Variants in DUSP19 observed in about 807,000 individuals in gnomAD.
DUSP19 encodes dual specificity protein phosphatase 19.
A neutral mutation model predicts 16.6 loss-of-function variants in DUSP19; 14 were observed. That is an observed-to-expected ratio of 0.84 (90% CI 0.56 to 1.32). The LOEUF (loss-of-function observed/expected upper bound fraction) is 1.32. Ranked by LOEUF, DUSP19 falls within the 40% of genes most tolerant of loss-of-function variation. The pLI is 0.00. For missense variants in DUSP19, 258 were observed against 255.9 expected (o/e 1.01, Z -0.06); for synonymous variants, 81 against 90.5 (o/e 0.90, Z 0.59).
intron 1 of DUSP19, among the ~76,000 whole-genome samples, 155 bp downstream of exon 1, chr2:183,079,314 T>TAG (rs1192371735): frequency 6.6e-6 from 1 of 152,192 alleles, no homozygotes; most frequent in Non-Finnish European, 1.5e-5. Flanking sequence ...ATTAGCCAGC[T>TAG]AGAGCCGTTT....
At chr2:183,082,836 T>TCCTTCCTC (rs888147442) in intron 1 of DUSP19, among the ~76,000 whole-genome samples, 65 of 144,342 alleles carry the variant, frequency 4.5e-4, no homozygotes, top group Non-Finnish European at 7.6e-4. Flanking sequence ...GTTCCTTCCT[T>TCCTTCCTC]CCTCCCTCCC....
At chr2:183,092,686 T>A (rs1212404567) in intron 3 of DUSP19, among the ~76,000 whole-genome samples, 1 of 151,220 alleles carries the variant, frequency 6.6e-6, no homozygotes, top group Non-Finnish European at 1.5e-5. Context: ...TTATGAATAG[T>A]GCTTCTGCCC....
intron 3 of DUSP19, among the ~76,000 whole-genome samples, chr2:183,091,548 T>A (rs1039339247): frequency 2.0e-5 from 3 of 152,182 alleles, no homozygotes; most frequent in Non-Finnish European, 2.9e-5. Context: ...TCTGATTGGT[T>A]GGAGAAAGCA....
rs1478549206 is a variant in DUSP19, at chr2:183,095,468, C to G, written c.464C>G (p.Ser155Cys). The change falls in exon 4 of 4, where the codon TCC (serine) becomes TGC (cysteine). Residue 155 changes from serine to cysteine, a missense_variant. Coordinates refer to ENST00000354221, the MANE Select transcript of DUSP19 (RefSeq NM_080876.4). Reference protein sequence around the residue: ...VVLVHCNAGVSRAAAIVIGFL... With the variant: ...VVLVHCNAGVCRAAAIVIGFL... ...CTTGTTCATTGTAATGCAGGCGTTTCCAGGGCTGCTGCAATTGTAATAGGT... is the reference window on the plus strand; with the variant it reads ...CTTGTTCATTGTAATGCAGGCGTTTGCAGGGCTGCTGCAATTGTAATAGGT... 1.2e-6 allele frequency: 2 copies of G among 1,604,860 alleles called. No homozygotes were observed. The highest frequency in any genetic ancestry group is 4.5e-5 in the East Asian group (2 of 44,410).
At chr2:183,090,795 G>A (rs942653693) in intron 3 of DUSP19, among the ~76,000 whole-genome samples, 3 of 152,178 alleles carry the variant, frequency 2.0e-5, no homozygotes, top group African/African-American at 7.2e-5. Flanking sequence ...ACAGCGGGCT[G>A]GGAGGGGGCA....
Position 183,094,905 on chromosome 2 carries a change from TATG to T in DUSP19, c.427-523_427-521del, listed in dbSNP as rs1699777859. On this transcript the variant is annotated intron_variant, in intron 3 of 3. Coordinates refer to ENST00000354221, the MANE Select transcript of DUSP19 (RefSeq NM_080876.4). ...TCTGGCTTTCTGTTTAGCTTATAGT[TATG>T]ATTTTATTTTATGTTTCCACATATA... Among the ~76,000 whole-genome samples, 5 of 152,330 alleles carry T rather than the reference TATG, an allele frequency of 3.3e-5. No individual in the cohort carries two copies. In the South Asian group the frequency reaches 1.0e-3, roughly 32 times the overall value.
At chr2:183,081,401 T>G (rs1210599167) in intron 1 of DUSP19, among the ~76,000 whole-genome samples, 1 of 152,114 alleles carries the variant, frequency 6.6e-6, no homozygotes, top group African/African-American at 2.4e-5. Context: ...CACACCACCA[T>G]GCCTGGCTAA....
chr2:183,079,365 T>TGAA (rs906066247), intron 1 of DUSP19, among the ~76,000 whole-genome samples: 4 of 152,180 alleles, frequency 2.6e-5, no homozygotes, highest in African/African-American at 9.6e-5. Context: ...GATGCTATTC[T>TGAA]CGTAGCACTT....
At chr2:183,090,075 G>A (rs1699713577) in intron 3 of DUSP19, among the ~76,000 whole-genome samples, 3 of 152,126 alleles carry the variant, frequency 2.0e-5, no homozygotes, top group Admixed American at 2.0e-4. Context: ...TGCCTGGAAG[G>A]CTAATATATA....
At chr2:183,082,547 C>T (rs1021571158) in intron 1 of DUSP19, among the ~76,000 whole-genome samples, 1 of 150,708 alleles carries the variant, frequency 6.6e-6, no homozygotes, top group Non-Finnish European at 1.5e-5. Context: ...CCTCAGCCTC[C>T]TGAGTAGCTG....
chr2:183,080,656 TTATTAC>T (rs987388851), intron 1 of DUSP19, among the ~76,000 whole-genome samples: 2 of 152,218 alleles, frequency 1.3e-5, no homozygotes, highest in Non-Finnish European at 2.9e-5. Flanking sequence ...TGAACTTTGC[TTATTAC>T]TATTATTTGT....
intron 3 of DUSP19, among the ~76,000 whole-genome samples, chr2:183,090,434 T>G (rs1699717784): frequency 1.3e-5 from 2 of 152,222 alleles, no homozygotes; most frequent in Non-Finnish European, 1.5e-5. Flanking sequence ...GGAACTAAAT[T>G]TATTTGTCCC....
At position 183,098,931 on chromosome 2, in the gene DUSP19, A is replaced by G. The variant is rs575859405; in HGVS notation, c.*3273A>G. The G allele has an allele frequency of 6.6e-6, 1 of 152,322 alleles. No individual in the cohort carries two copies. The highest frequency in any genetic ancestry group is 2.4e-5 in the African/African-American group (1 of 41,586). The allele number at this position is 152,322 out of a possible 1,614,324, so 9.4% of individuals were successfully genotyped here. ...AAAATTTAGACCAGTATACTAATTC[A>G]AAAGACAAATATTTCAGAGGAAGTG... On this transcript the variant is annotated 3_prime_UTR_variant, in exon 4 of 4. Transcript: ENST00000354221.
At chr2:183,083,464 A>G (rs201998718) in intron 1 of DUSP19, 44 bp from the exon 2 acceptor site, 3 of 1,517,708 alleles carry the variant, frequency 2.0e-6, no homozygotes, top group East Asian at 4.6e-5. Flanking sequence ...AAAGTTCAAG[A>G]TGATTATATT....
chr2:183,093,494 G>GA (rs553066374), intron 3 of DUSP19, among the ~76,000 whole-genome samples: 7 of 150,080 alleles, frequency 4.7e-5, no homozygotes, highest in Non-Finnish European at 7.4e-5. Context: ...AAGTGCAAAG[G>GA]AAAAAAAAAG....
At chr2:183,088,846 G>T (rs1012741190) in intron 3 of DUSP19, among the ~76,000 whole-genome samples, 1 of 152,168 alleles carries the variant, frequency 6.6e-6, no homozygotes, top group Non-Finnish European at 1.5e-5. Context: ...TAAAAAGGAT[G>T]TTTCTGTATT....
At chr2:183,083,577 G>A in intron 2 of DUSP19, 23 bp downstream of exon 2, 3 of 1,594,688 alleles carry the variant, frequency 1.9e-6, no homozygotes, top group Non-Finnish European at 2.6e-6. Flanking sequence ...TTTAAGTCTG[G>A]CACCATATAC....
intron 1 of DUSP19, among the ~76,000 whole-genome samples, chr2:183,083,131 T>C (rs1174815643): frequency 4.6e-5 from 7 of 152,184 alleles, no homozygotes; most frequent in Non-Finnish European, 7.3e-5. Context: ...ACATTTCTTA[T>C]TTCTAATGGT....
At chr2:183,095,086 G>A (rs1298459857) in intron 3 of DUSP19, among the ~76,000 whole-genome samples, 2 of 152,064 alleles carry the variant, frequency 1.3e-5, no homozygotes, top group Non-Finnish European at 2.9e-5. Context: ...GTTTTTATGT[G>A]TACTTTACTG....
Sources: allele counts gnomAD v4.1 joint callset (sites outside exome capture counted in the v4.1 genomes callset), GRCh38; gene constraint gnomAD v4.1.1; transcripts MANE v1.5; gene names NCBI Gene and HGNC (gene_info 2026-07-23, HGNC 2026-07-21).